Variants in VTCN1 observed in about 807,000 individuals in gnomAD.
The protein encoded by VTCN1 is V-set domain-containing T-cell activation inhibitor 1.
A neutral mutation model predicts 26.5 loss-of-function variants in VTCN1; 26 were observed. The ratio of observed to expected loss-of-function variants is 0.98; its 90% CI spans 0.72 to 1.36. The LOEUF is 1.36. VTCN1 is among the 40% of genes most tolerant of loss of function. VTCN1 has a pLI of 0.00. For synonymous variants in VTCN1, 116 were observed against 130.7 expected (o/e 0.89, Z 0.77); for missense variants, 298 against 337.7 (o/e 0.88, Z 0.92).
chr1:117,173,389 CAA>C, intron 1 of VTCN1: 1 of 476,270 alleles, frequency 2.1e-6, no homozygotes, highest in Non-Finnish European at 3.8e-6. Context: ...CACACACACA[CAA>C]CACCATGTAA....
intron 3 of VTCN1, among the ~76,000 whole-genome samples, chr1:117,156,212 T>C (rs1306869377): frequency 6.6e-6 from 1 of 152,240 alleles, no homozygotes; most frequent in Non-Finnish European, 1.5e-5. Context: ...TCTCTGAAGA[T>C]ACTGATTTCA....
rs1343037694 is a variant in VTCN1, at chr1:117,161,271, T to C, written c.98-4350A>G. On this transcript the variant is annotated intron_variant, in intron 2 of 5. Transcript: ENST00000369458. The surrounding 1 kb of genome is among the most constrained non-coding windows in gnomAD (Gnocchi z 4.3). ...TAGCATGGGTTACACAATTACACTA[T>C]GCGCCTTCACACTGCTGTTCATCTT... Among the ~76,000 whole-genome samples, 2 of 152,242 alleles carry C rather than the reference T, an allele frequency of 1.3e-5. No individual in the cohort carries two copies. Among genetic ancestry groups the C allele is most frequent in the Non-Finnish European group, 2.9e-5 (2 of 68,042 alleles).
chr1:117,173,284 C>A, intron 1 of VTCN1: 1 of 670,098 alleles, frequency 1.5e-6, no homozygotes, highest in South Asian at 1.7e-5. Context: ...TAGTTAAGGT[C>A]ATACCAGAGT....
chr1:117,146,781 A>G lies in VTCN1; in HGVS notation c.*45+832T>C, dbSNP rs767392740. Among the ~76,000 whole-genome samples, 4 of 152,158 alleles carry G rather than the reference A, an allele frequency of 2.6e-5. No individual in the cohort carries two copies. Among genetic ancestry groups the G allele is most frequent in the Non-Finnish European group, 4.4e-5 (3 of 68,032 alleles). On this transcript the variant is annotated intron_variant, in intron 5 of 5. Coordinates refer to ENST00000369458, the MANE Select transcript of VTCN1 (RefSeq NM_024626.4). This position sits in a 1 kb window ranked among gnomAD's most constrained non-coding sequence, Gnocchi z 4.2. ...TCACTTTAGGCTCTGGAGCAAAGGA[A>G]GGCTATGATGAAATCGTGTTTCAGA...
At chr1:117,173,567 A>G (rs553384707) in intron 1 of VTCN1, among the ~76,000 whole-genome samples, 1 of 152,304 alleles carries the variant, frequency 6.6e-6, no homozygotes, top group Admixed American at 6.5e-5. Flanking sequence ...GAGATAATAC[A>G]TTTCCATTTC....
chr1:117,147,652 G>A lies in VTCN1; in HGVS notation c.*6C>T, dbSNP rs766194760. On this transcript the variant is annotated 3_prime_UTR_variant, in exon 5 of 6. Coordinates refer to ENST00000369458, the MANE Select transcript of VTCN1 (RefSeq NM_024626.4). This position sits in a 1 kb window ranked among gnomAD's most constrained non-coding sequence, Gnocchi z 4.6. ...ACTTTGCATGCTTTTTTGTGGCCGA[G>A]GCACATTATTTTAGCATCAGGTAAG... 1 of 1,611,038 alleles carries A rather than the reference G, an allele frequency of 6.2e-7. No homozygotes were observed. Among genetic ancestry groups the A allele is most frequent in the Non-Finnish European group, 8.5e-7 (1 of 1,179,130 alleles).
At position 117,175,881 on chromosome 1, in the gene VTCN1, C is replaced by A. The variant is rs1647316990; in HGVS notation, c.33-5710G>T. ...CGCCTCCCAGGTTCAAGCGATTCTC[C>A]CGTCTCAGCTTCCCGAGTAGCTGGG... is the stretch of plus-strand genomic sequence containing the variant. On this transcript the variant is annotated intron_variant, in intron 1 of 5. Coordinates refer to ENST00000369458, the MANE Select transcript of VTCN1 (RefSeq NM_024626.4). This position sits in a 1 kb window ranked among gnomAD's most constrained non-coding sequence, Gnocchi z 4.2. Among the ~76,000 whole-genome samples, 1 of 151,876 alleles carries A rather than the reference C, an allele frequency of 6.6e-6. No individual in the cohort carries two copies. The highest frequency in any genetic ancestry group is 1.5e-5 in the Non-Finnish European group (1 of 67,990).
At chr1:117,185,164 T>G (rs557903948) in intron 1 of VTCN1, among the ~76,000 whole-genome samples, 1 of 152,288 alleles carries the variant, frequency 6.6e-6, no homozygotes, top group South Asian at 2.1e-4. Context: ...CAGAGACATT[T>G]TCTCATATTT....
At chr1:117,207,701 C>G (rs960837031) in intron 1 of VTCN1, among the ~76,000 whole-genome samples, 19 of 152,242 alleles carry the variant, frequency 1.2e-4, no homozygotes, top group African/African-American at 4.6e-4. Flanking sequence ...AACTAGCTCT[C>G]CTCTCTCTTC....
At chr1:117,162,029 A>G (rs1260562448) in intron 2 of VTCN1, among the ~76,000 whole-genome samples, 1 of 152,332 alleles carries the variant, frequency 6.6e-6, no homozygotes, top group East Asian at 1.9e-4. Context: ...AATATCTCCC[A>G]GAGAAGTTAA....
At chr1:117,151,686 T>G in intron 4 of VTCN1, among the ~76,000 whole-genome samples, 1 of 152,080 alleles carries the variant, frequency 6.6e-6, no homozygotes, top group East Asian at 1.9e-4. Context: ...ACAGAAAAGT[T>G]CTCCAAGTCC....
intron 1 of VTCN1, among the ~76,000 whole-genome samples, chr1:117,171,075 C>A (rs936073545): frequency 6.7e-6 from 1 of 148,382 alleles, no homozygotes; most frequent in African/African-American, 2.5e-5. Context: ...CATTGTTCAA[C>A]TCCCACTTAT....
At position 117,159,478 on chromosome 1, in the gene VTCN1, G is replaced by C. The variant is rs1652260001; in HGVS notation, c.98-2557C>G. ...CCATGATTCAAATGATCTCCCACCA[G>C]GTCCCTCCCACAACACATGGGAATT... is the stretch of plus-strand genomic sequence containing the variant. On this transcript the variant is annotated intron_variant, in intron 2 of 5. Transcript: ENST00000369458. The surrounding 1 kb of genome is among the most constrained non-coding windows in gnomAD (Gnocchi z 4.7). 6.6e-6 allele frequency among the ~76,000 whole-genome samples: 1 copy of C among 152,200 alleles called. No individual in the cohort carries two copies.
intron 1 of VTCN1, among the ~76,000 whole-genome samples, chr1:117,205,051 G>GTA (rs569088045): frequency 2.0e-5 from 3 of 146,836 alleles, no homozygotes; most frequent in Admixed American, 1.4e-4. Context: ...TCCTGTATAT[G>GTA]TATATATATG....
In VTCN1 at chr1:117,159,475, C is replaced by G. The variant is rs1019420228; in HGVS notation, c.98-2554G>C. Among the ~76,000 whole-genome samples the G allele has an allele frequency of 6.6e-6, 1 of 152,218 alleles. No homozygotes were observed. Among genetic ancestry groups the G allele is most frequent in the East Asian group, 1.9e-4 (1 of 5,194 alleles). Reference sequence around the variant, plus strand: ...CCCCCATGATTCAAATGATCTCCCACCAGGTCCCTCCCACAACACATGGGA... The same window carrying G: ...CCCCCATGATTCAAATGATCTCCCAGCAGGTCCCTCCCACAACACATGGGA... On this transcript the variant is annotated intron_variant, in intron 2 of 5. Transcript: ENST00000369458. This position sits in a 1 kb window ranked among gnomAD's most constrained non-coding sequence, Gnocchi z 4.7.
chr1:117,205,865 C>T (rs1649029082), intron 1 of VTCN1, among the ~76,000 whole-genome samples: 1 of 152,082 alleles, frequency 6.6e-6, no homozygotes, highest in Non-Finnish European at 1.5e-5. Flanking sequence ...AGCATTACCA[C>T]GTGCTTGGTC....
chr1:117,171,097 T>C lies in VTCN1; in HGVS notation c.33-926A>G, dbSNP rs769633860. On this transcript the variant is annotated intron_variant, in intron 1 of 5. Coordinates refer to ENST00000369458, the MANE Select transcript of VTCN1 (RefSeq NM_024626.4). ...CAACTCCCACTTATGAGTGAGAACA[T>C]GTGGTGTTTGGTTTTCTGTTCCTGT... Among the ~76,000 whole-genome samples, 16 of 149,702 alleles carry C rather than the reference T, an allele frequency of 1.1e-4. No individual in the cohort carries two copies. In the Middle Eastern group the frequency reaches 0.024, roughly 224 times the overall value.
chr1:117,150,734 A>C (rs988198412), intron 4 of VTCN1, among the ~76,000 whole-genome samples: 3 of 152,204 alleles, frequency 2.0e-5, no homozygotes, highest in Non-Finnish European at 4.4e-5. Context: ...TTCATTTTGC[A>C]AATCTGAAAC....
At chr1:117,197,723 C>T (rs1648586680) in intron 1 of VTCN1, among the ~76,000 whole-genome samples, 1 of 152,066 alleles carries the variant, frequency 6.6e-6, no homozygotes, top group Non-Finnish European at 1.5e-5. Flanking sequence ...TCATTCTTTC[C>T]TTGCTTTGTG....
Sources: gnomAD v4.1 joint callset for allele counts (sites outside exome capture counted in the v4.1 genomes callset) on GRCh38, gnomAD v4.1.1 for gene constraint, Gnocchi (gnomAD v3.1) non-coding constraint, MANE v1.5 for transcripts, NCBI Gene and HGNC (gene_info 2026-07-23, HGNC 2026-07-21) for gene names.